PRMT8: variants seen among roughly 807,000 people sequenced by gnomAD.
The protein encoded by PRMT8 is protein arginine N-methyltransferase 8.
Under a neutral mutation model 47.1 loss-of-function variants are expected in PRMT8, and 7 were observed. The observed-to-expected ratio is 0.15, with a 90% CI of 0.08 to 0.28. The LOEUF (loss-of-function observed/expected upper bound fraction) is 0.28, where lower values mean the gene tolerates loss of function less well. Ranked by LOEUF, PRMT8 falls within the 10% of genes least tolerant of loss-of-function variation. PRMT8 has a pLI of 1.00. For synonymous variants in PRMT8, 188 were observed against 186.5 expected (o/e 1.01, Z -0.07); for missense variants, 237 against 505.4 (o/e 0.47, Z 5.09).
Position 3,593,174 on chromosome 12 carries a change from ATGCGT to A in PRMT8, c.1179_1183del (p.Met393IlefsTer34), listed in dbSNP as rs1251637634. On this transcript the variant is annotated frameshift_variant, in exon 10 of 10. Coordinates refer to ENST00000382622, the MANE Select transcript of PRMT8 (RefSeq NM_019854.5). LOFTEE classifies it high-confidence loss of function. The surrounding 1 kb of genome is among the most constrained non-coding windows in gnomAD (Gnocchi z 4.8). ...AACATCTGTATCTAATGACTACAAA[ATGCGT>A]TAGCACACGTGGGAAGCTGCAGAGA... 1.2e-6 allele frequency: 2 copies of A among 1,613,672 alleles called. No individual in the cohort carries two copies.
At chr12:3,587,836 C>T (rs970153541) in intron 8 of PRMT8, among the ~76,000 whole-genome samples, 1 of 152,206 alleles carries the variant, frequency 6.6e-6, no homozygotes, top group Non-Finnish European at 1.5e-5. Context: ...ACATCCCATA[C>T]CGCACAGCCT....
chr12:3,516,199 T>C (rs527957660), intron 1 of PRMT8, among the ~76,000 whole-genome samples: 13 of 152,292 alleles, frequency 8.5e-5, no homozygotes, highest in Non-Finnish European at 1.8e-4. Flanking sequence ...GGCTCTCTGG[T>C]ATGGAGCTAC....
At chr12:3,446,981 T>A (rs376289749) in intron 1 of PRMT8, among the ~76,000 whole-genome samples, 27 of 152,198 alleles carry the variant, frequency 1.8e-4, no homozygotes, top group African/African-American at 6.0e-4. Context: ...ATCCCCTTTA[T>A]GAACCATGTG....
chr12:3,530,218 C>G (rs1434972117), intron 1 of PRMT8, among the ~76,000 whole-genome samples: 1 of 152,154 alleles, frequency 6.6e-6, no homozygotes, highest in Non-Finnish European at 1.5e-5. Flanking sequence ...TGAATGCTCT[C>G]TGATCACATG....
At chr12:3,490,937 A>T (rs1278206412), upstream of PRMT8, among the ~76,000 whole-genome samples, 3 of 151,908 alleles carry the variant, frequency 2.0e-5, no homozygotes, top group African/African-American at 4.8e-5. Flanking sequence ...AGGTGGGAGC[A>T]CGCGCACCGG....
intron 4 of PRMT8, among the ~76,000 whole-genome samples, chr12:3,562,387 T>C (rs183370930): frequency 1.4e-4 from 21 of 151,524 alleles, no homozygotes; most frequent in African/African-American, 4.6e-4. Flanking sequence ...CATAGGGGAG[T>C]TCGTGGTGTG....
chr12:3,588,561 G>A (rs1867231922), intron 8 of PRMT8, among the ~76,000 whole-genome samples: 1 of 152,144 alleles, frequency 6.6e-6, no homozygotes, highest in African/African-American at 2.4e-5. Flanking sequence ...GGGGAGGAGG[G>A]GACAAAGTGG....
intron 2 of PRMT8, among the ~76,000 whole-genome samples, chr12:3,547,515 C>A (rs767062288): frequency 2.6e-5 from 4 of 152,228 alleles, no homozygotes; most frequent in South Asian, 2.1e-4. Flanking sequence ...TGGTGGCTCA[C>A]ATCTGTAACC....
intron 1 of PRMT8, among the ~76,000 whole-genome samples, chr12:3,399,624 C>T (rs1174381885): frequency 3.3e-5 from 5 of 152,152 alleles, no homozygotes; most frequent in Non-Finnish European, 5.9e-5. Context: ...GAGTCAATAT[C>T]GTGAATTGTG....
At chr12:3,553,464 G>C in intron 3 of PRMT8, 187 bp from the exon 4 acceptor site, 1 of 614,824 alleles carries the variant, frequency 1.6e-6, no homozygotes, top group Non-Finnish European at 2.9e-6. Context: ...GCCCAATTTC[G>C]TGGAAGGCCG....
chr12:3,415,744 C>T (rs143161771), intron 1 of PRMT8, among the ~76,000 whole-genome samples: 1 of 152,342 alleles, frequency 6.6e-6, no homozygotes, highest in African/African-American at 2.4e-5. Flanking sequence ...GGAATCAGTA[C>T]ATCTTCTCCA....
At chr12:3,475,438 G>C (rs1292626750) in intron 1 of PRMT8, among the ~76,000 whole-genome samples, 1 of 152,164 alleles carries the variant, frequency 6.6e-6, no homozygotes, top group East Asian at 1.9e-4. Context: ...TTTCAGGCAG[G>C]ACAGAGAGTC....
chr12:3,541,066 G>A (rs1338070723), intron 2 of PRMT8, among the ~76,000 whole-genome samples: 1 of 152,188 alleles, frequency 6.6e-6, no homozygotes, highest in Non-Finnish European at 1.5e-5. Flanking sequence ...TTACATTCCA[G>A]CTCCCGTGTC....
At chr12:3,525,117 G>A (rs552705075) in intron 1 of PRMT8, among the ~76,000 whole-genome samples, 43 of 152,284 alleles carry the variant, frequency 2.8e-4, no homozygotes, top group African/African-American at 8.9e-4. Context: ...AGCCACTTAG[G>A]GGACTGAGGC....
In PRMT8 at chr12:3,508,224, A is replaced by G. The variant is rs1865659957; in HGVS notation, c.75+16524A>G. ...ATGGGAATAGTCAATTCTGATGTTC[A>G]CCGAAAGTAGATATAAATGACCTAT... On this transcript the variant is annotated intron_variant, in intron 1 of 9. Transcript: ENST00000382622. The surrounding 1 kb of genome is among the most constrained non-coding windows in gnomAD (Gnocchi z 4.9). Among the ~76,000 whole-genome samples the G allele has an allele frequency of 6.6e-6, 1 of 152,172 alleles. No homozygotes were observed. The highest frequency in any genetic ancestry group is 1.5e-5 in the Non-Finnish European group (1 of 68,028).
At chr12:3,498,884 G>A (rs956328552) in intron 1 of PRMT8, among the ~76,000 whole-genome samples, 1 of 152,196 alleles carries the variant, frequency 6.6e-6, no homozygotes, top group South Asian at 2.1e-4. Context: ...CCAGAAGTCT[G>A]AAATCCAGAT....
rs139345224 is a variant in PRMT8, at chr12:3,483,231, C to T, written c.49-57375C>T. Among the ~76,000 whole-genome samples, 123 of 152,296 alleles carry T rather than the reference C, an allele frequency of 8.1e-4. 1 individual carries two copies. Among genetic ancestry groups the T allele is most frequent in the African/African-American group, 2.7e-3 (111 of 41,554 alleles). On this transcript the variant is annotated intron_variant, in intron 1 of 9. Coordinates refer to the PRMT8 transcript ENST00000452611. Reference sequence around the variant, plus strand: ...GCCTGTGGTCACTCTCCTGATGATACCAGGCTCCCTCTCCCGTCTGCGAGG... The same window carrying T: ...GCCTGTGGTCACTCTCCTGATGATATCAGGCTCCCTCTCCCGTCTGCGAGG...
In PRMT8 at chr12:3,540,857, G is replaced by T. The variant is rs557860479; in HGVS notation, c.261+66G>T. Reference sequence around the variant, plus strand: ...CTCTGCTGTTCTGTTGTTTTCAGAGGCAGCATAGTGTGTTCAACTCCTTAC... The same window carrying T: ...CTCTGCTGTTCTGTTGTTTTCAGAGTCAGCATAGTGTGTTCAACTCCTTAC... On this transcript the variant is annotated intron_variant, in intron 2 of 9. Transcript: ENST00000382622. 5 of 1,498,274 alleles carry T rather than the reference G, an allele frequency of 3.3e-6. No individual in the cohort carries two copies. The African/African-American group carries it at 6.9e-5, about 21-fold the overall frequency. 92.8% of individuals were successfully genotyped at this position (1,498,274 alleles called of 1,614,324 possible). A position where few individuals can be genotyped will look rare whatever the true frequency, so the allele number is the denominator to read the frequency against.
intron 7 of PRMT8, among the ~76,000 whole-genome samples, chr12:3,581,240 C>T (rs1430982917): frequency 1.3e-5 from 2 of 152,068 alleles, no homozygotes; most frequent in Non-Finnish European, 2.9e-5. Context: ...GACATCACGA[C>T]TTATGAGGAA....
Sources: gnomAD v4.1 joint callset for allele counts (sites outside exome capture counted in the v4.1 genomes callset) on GRCh38, gnomAD v4.1.1 for gene constraint, Gnocchi (gnomAD v3.1) non-coding constraint, MANE v1.5 for transcripts, NCBI Gene and HGNC (gene_info 2026-07-23, HGNC 2026-07-21) for gene names.